EPC2: variants seen among roughly 807,000 people sequenced by gnomAD.
EPC2 encodes the protein enhancer of polycomb homolog 2.
In EPC2, 14 loss-of-function variants were observed where a neutral mutation model predicts 92.1. That is an observed-to-expected ratio of 0.15 (90% confidence interval 0.10 to 0.24). The LOEUF is 0.24. Among genes scored for constraint, EPC2 ranks in the 10% least tolerant of loss-of-function variants. The pLI is 1.00. For synonymous variants in EPC2, 340 were observed against 334.7 expected, an observed-to-expected ratio of 1.02 and a Z score of -0.17; for missense variants, 755 against 971.5, an observed-to-expected ratio of 0.78 and a Z score of 2.96.
chr2:148,707,740 G>A (rs1682035409), intron 2 of EPC2, among the ~76,000 whole-genome samples: 1 of 152,180 alleles, frequency 6.6e-6, no homozygotes, highest in Non-Finnish European at 1.5e-5. Flanking sequence ...ACCTGCTCCT[G>A]AATGACTACT....
intron 10 of EPC2, among the ~76,000 whole-genome samples, chr2:148,779,897 G>A (rs1683715605): frequency 6.6e-6 from 1 of 152,064 alleles, no homozygotes; most frequent in Admixed American, 6.6e-5. Flanking sequence ...GTACACATGG[G>A]ACTTAAACAG....
chr2:148,672,921 T>TTTTA (rs1257188466), intron 1 of EPC2, among the ~76,000 whole-genome samples: 2 of 152,134 alleles, frequency 1.3e-5, no homozygotes, highest in African/African-American at 4.8e-5. Flanking sequence ...TCTGGGAGGT[T>TTTTA]TTTATTTGTC....
intron 2 of EPC2, among the ~76,000 whole-genome samples, chr2:148,720,245 G>A (rs1682341859): frequency 6.6e-6 from 1 of 152,204 alleles, no homozygotes; most frequent in Admixed American, 6.5e-5. Context: ...TTGTGCCACT[G>A]GGGGGACCCT....
Position 148,644,922 on chromosome 2 carries a change from C to G in EPC2, c.-96C>G. ...GGAGGAGCGGGCCGGCCGCGCTGCA[C>G]TGAGGAAGGAGGTGGAGGAGGCGGC... On this transcript the variant is annotated 5_prime_UTR_variant, in exon 1 of 14. Transcript: ENST00000258484. 4 of 1,111,474 alleles carry G rather than the reference C, an allele frequency of 3.6e-6. No homozygotes were observed. The highest frequency in any genetic ancestry group is 1.4e-5 in the South Asian group (1 of 70,476). 68.9% of individuals were successfully genotyped at this position (1,111,474 alleles called of 1,614,324 possible).
intron 10 of EPC2, among the ~76,000 whole-genome samples, chr2:148,779,991 A>C (rs761583559): frequency 1.3e-5 from 2 of 152,206 alleles, no homozygotes; most frequent in Non-Finnish European, 1.5e-5. Flanking sequence ...AAGGTTTTCA[A>C]ATAGCTGGAA....
chr2:148,731,696 C>A (rs1574610067), intron 2 of EPC2, among the ~76,000 whole-genome samples: 2 of 152,294 alleles, frequency 1.3e-5, no homozygotes, highest in East Asian at 3.9e-4. Flanking sequence ...GCCACTGCCC[C>A]CGGCCAGAAA....
intron 10 of EPC2, among the ~76,000 whole-genome samples, chr2:148,775,935 A>G (rs1392578613): frequency 2.0e-5 from 3 of 151,258 alleles, no homozygotes; most frequent in African/African-American, 4.9e-5. Flanking sequence ...CCACCACCAC[A>G]CCTGCCTAAT....
chr2:148,678,773 C>T (rs895441140), intron 1 of EPC2, among the ~76,000 whole-genome samples: 8 of 152,262 alleles, frequency 5.3e-5, no homozygotes, highest in Non-Finnish European at 8.8e-5. Flanking sequence ...GCCTCTCCCT[C>T]CACACCTCCG....
At chr2:148,710,208 C>T (rs1682107141) in intron 2 of EPC2, among the ~76,000 whole-genome samples, 1 of 152,174 alleles carries the variant, frequency 6.6e-6, no homozygotes, top group Non-Finnish European at 1.5e-5. Context: ...AGACACTTTT[C>T]AAAAGAAGAT....
chr2:148,715,767 A>G (rs764151491), intron 2 of EPC2, among the ~76,000 whole-genome samples: 15 of 152,122 alleles, frequency 9.9e-5, no homozygotes, highest in African/African-American at 2.9e-4. Context: ...AAGAATGTCA[A>G]TGGTAGTTTA....
At chr2:148,703,083 T>G (rs1027953583) in intron 2 of EPC2, among the ~76,000 whole-genome samples, 2 of 152,224 alleles carry the variant, frequency 1.3e-5, no homozygotes, top group Admixed American at 6.5e-5. Flanking sequence ...AAATACAGGA[T>G]TTTATTTGTT....
intron 1 of EPC2, among the ~76,000 whole-genome samples, chr2:148,681,268 T>C (rs79191598): frequency 1.3e-5 from 2 of 152,176 alleles, no homozygotes; most frequent in Non-Finnish European, 2.9e-5. Flanking sequence ...ATTTTTTTTT[T>C]CCACTTAGGA....
intron 10 of EPC2, among the ~76,000 whole-genome samples, chr2:148,777,740 G>A (rs887352340): frequency 6.6e-6 from 1 of 152,118 alleles, no homozygotes; most frequent in Non-Finnish European, 1.5e-5. Flanking sequence ...AATGAGGGAT[G>A]GCTGGGACCT....
intron 2 of EPC2, among the ~76,000 whole-genome samples, chr2:148,713,055 C>T (rs967768276): frequency 6.6e-6 from 1 of 152,126 alleles, no homozygotes; most frequent in African/African-American, 2.4e-5. Context: ...ATTCACAGTA[C>T]TAATACTTGA....
intron 2 of EPC2, among the ~76,000 whole-genome samples, 180 bp downstream of exon 2, chr2:148,690,553 GT>G (rs2105371553): frequency 6.6e-6 from 1 of 152,236 alleles, no homozygotes; most frequent in East Asian, 1.9e-4. Flanking sequence ...ATCATTTTGA[GT>G]TTTAAGTAAC....
chr2:148,657,981 G>T (rs1211840277), intron 1 of EPC2, among the ~76,000 whole-genome samples: 2 of 151,752 alleles, frequency 1.3e-5, no homozygotes, highest in African/African-American at 4.8e-5. Context: ...TTCATTATTC[G>T]AGATAGTTAT....
At chr2:148,649,437 A>G (rs1391340203) in intron 1 of EPC2, among the ~76,000 whole-genome samples, 7 of 152,262 alleles carry the variant, frequency 4.6e-5, no homozygotes. Flanking sequence ...AAATGGAATC[A>G]TACATACTTT....
At chr2:148,738,184 A>G (rs1305985115) in intron 2 of EPC2, among the ~76,000 whole-genome samples, 1 of 152,190 alleles carries the variant, frequency 6.6e-6, no homozygotes, top group Non-Finnish European at 1.5e-5. Flanking sequence ...ATTTTGAGAT[A>G]AGTATGTGTT....
rs760908686 is a variant in EPC2 at position 148,753,976 on chromosome 2, T to G, written c.509T>G (p.Leu170Arg). Residue 170 changes from leucine (L) to arginine (R), a missense_variant, in exon 4 of 14, where the codon CTT becomes CGT. Physicochemically the swap from Leu to Arg is moderately radical, Grantham distance 102. Transcript: ENST00000258484. ...AKLLLNEDDYLIKAVYDYWVR... is the reference protein window; with the variant it reads ...AKLLLNEDDYRIKAVYDYWVR... ...CTGCTGCTAAACGAAGATGATTACC[T>G]TATTAAAGCTGTATATGACTACTGG... 5 of 1,612,254 alleles carry G rather than the reference T, an allele frequency of 3.1e-6. No homozygotes were observed. In the Admixed American group the frequency reaches 6.7e-5, roughly 22 times the overall value.
Sources: allele counts gnomAD v4.1 joint callset (sites outside exome capture counted in the v4.1 genomes callset), GRCh38; gene constraint gnomAD v4.1.1; transcripts MANE v1.5; gene names NCBI Gene and HGNC (gene_info 2026-07-23, HGNC 2026-07-21).